Variants in STPG4 observed in about 807,000 individuals in gnomAD.
STPG4 encodes sperm-tail PG-rich repeat containing 4.
A neutral mutation model predicts 31.5 loss-of-function variants in STPG4; 41 were observed. The ratio of observed to expected loss-of-function variants is 1.30; its 90% CI spans 1.01 to 1.69. STPG4 has a LOEUF of 1.69. STPG4 is among the 40% of genes most tolerant of loss of function. The probability of loss-of-function intolerance (pLI) is 0.00; values close to 1 mark genes in which losing one functional copy is unlikely to be tolerated. For synonymous variants in STPG4, 141 were observed against 103.0 expected, an observed-to-expected ratio of 1.37 and a Z score of -2.24; for missense variants, 375 against 293.4, an observed-to-expected ratio of 1.28 and a Z score of -2.03.
chr2:47,155,180 G>A lies in STPG4; in HGVS notation c.72C>T (p.Ile24=). 6.2e-7 allele frequency: 1 copy of A among 1,614,154 alleles called. No homozygotes were observed. Among genetic ancestry groups the A allele is most frequent in the South Asian group, 1.1e-5 (1 of 91,084 alleles). Residue 24 remains isoleucine (I), a synonymous_variant, in exon 1 of 7, where the codon ATC becomes ATT. Coordinates refer to ENST00000445927, the MANE Select transcript of STPG4 (RefSeq NM_001163561.2). ...GGGCAGGCCATCTTACCGAAGCTGT[G>A]ATGAATGATTCTCCACCCACCAGGT... ...REDLVGGESF[I]TASKPAQKTS...
chr2:47,099,014 C>T (rs1171143818), intron 5 of STPG4, among the ~76,000 whole-genome samples: 1 of 152,128 alleles, frequency 6.6e-6, no homozygotes, highest in Non-Finnish European at 1.5e-5. Flanking sequence ...TAGTAATTGG[C>T]GATACCTCTG....
At chr2:47,091,929 A>G (rs1685576488) in intron 5 of STPG4, among the ~76,000 whole-genome samples, 1 of 151,474 alleles carries the variant, frequency 6.6e-6, no homozygotes, top group Non-Finnish European at 1.5e-5. Flanking sequence ...GGTTCAATAA[A>G]TTACAACGCT....
At chr2:47,101,046 C>A (rs554164365) in intron 5 of STPG4, among the ~76,000 whole-genome samples, 1 of 151,816 alleles carries the variant, frequency 6.6e-6, no homozygotes, top group African/African-American at 2.4e-5. Context: ...GCGGTGAGAC[C>A]ATCGCCGAGC....
chr2:47,137,440 G>T (rs78022051), intron 3 of STPG4, among the ~76,000 whole-genome samples: 10 of 152,076 alleles, frequency 6.6e-5, no homozygotes, highest in Admixed American at 5.2e-4. Flanking sequence ...TGTAGTTTTC[G>T]TTTTTTGTAA....
intron 5 of STPG4, among the ~76,000 whole-genome samples, chr2:47,099,704 C>A (rs931674175): frequency 1.3e-5 from 2 of 152,256 alleles, no homozygotes. Flanking sequence ...CCAGAGCCGG[C>A]TCCCTCAGCT....
chr2:47,145,749 G>C (rs1010871543), intron 3 of STPG4, among the ~76,000 whole-genome samples: 1 of 152,144 alleles, frequency 6.6e-6, no homozygotes, highest in Admixed American at 6.5e-5. Context: ...ATAATAATGA[G>C]CAAAACAGAT....
At chr2:47,153,169 A>G (rs554715851) in intron 1 of STPG4, among the ~76,000 whole-genome samples, 153 bp from the exon 2 acceptor site, 64 of 152,352 alleles carry the variant, frequency 4.2e-4, no homozygotes, top group Middle Eastern at 6.8e-3. Flanking sequence ...AAATTTGCCC[A>G]TATTTCCTTA....
intron 3 of STPG4, among the ~76,000 whole-genome samples, chr2:47,133,944 A>G (rs1686542805): frequency 6.6e-6 from 1 of 152,138 alleles, no homozygotes; most frequent in Non-Finnish European, 1.5e-5. Context: ...TAATTCAGTT[A>G]TGTTGCACCA....
At chr2:47,093,832 T>C (rs1573145556) in intron 5 of STPG4, among the ~76,000 whole-genome samples, 1 of 152,204 alleles carries the variant, frequency 6.6e-6, no homozygotes, top group African/African-American at 2.4e-5. Context: ...CCCAAGTTCA[T>C]ATTCCAAAGC....
chr2:47,142,807 C>A (rs1256165724), intron 3 of STPG4, among the ~76,000 whole-genome samples: 1 of 146,588 alleles, frequency 6.8e-6, no homozygotes, highest in East Asian at 2.1e-4. Flanking sequence ...AGAGATGCTT[C>A]CATATCAACA....
chr2:47,154,807 A>C (rs1341083977), intron 1 of STPG4, among the ~76,000 whole-genome samples: 1 of 152,214 alleles, frequency 6.6e-6, no homozygotes, highest in Non-Finnish European at 1.5e-5. Context: ...GTCTAGTAAA[A>C]CTACAGAAGG....
At chr2:47,087,156 C>A (rs1405463079) in intron 6 of STPG4, 26 bp from the exon 7 acceptor site, 1 of 1,550,308 alleles carries the variant, frequency 6.5e-7, no homozygotes. Flanking sequence ...AAAACAGGGA[C>A]TGATGAGACA....
chr2:47,094,740 G>C (rs757628617), intron 5 of STPG4, among the ~76,000 whole-genome samples: 10 of 152,188 alleles, frequency 6.6e-5, no homozygotes, highest in Non-Finnish European at 1.3e-4. Flanking sequence ...TGGGTTACGG[G>C]ATGTCGCCAA....
At chr2:47,142,457 AT>A (rs932401931) in intron 3 of STPG4, among the ~76,000 whole-genome samples, 40 of 152,168 alleles carry the variant, frequency 2.6e-4, no homozygotes, top group Non-Finnish European at 4.9e-4. Flanking sequence ...AAATAAGAGA[AT>A]TTTTTTAAAA....
intron 5 of STPG4, among the ~76,000 whole-genome samples, chr2:47,114,271 G>A (rs1212499230): frequency 6.6e-6 from 1 of 152,024 alleles, no homozygotes; most frequent in South Asian, 2.1e-4. Flanking sequence ...TTGGAAGTCT[G>A]AGGTGGGCAG....
intron 6 of STPG4, 43 bp downstream of exon 6, chr2:47,090,227 T>C: frequency 1.5e-6 from 2 of 1,356,242 alleles, no homozygotes; most frequent in Non-Finnish European, 2.1e-6. Flanking sequence ...ACCATAACCA[T>C]ACCCCTAGGG....
chr2:47,105,641 T>C (rs1462389501), intron 5 of STPG4, among the ~76,000 whole-genome samples: 1 of 152,022 alleles, frequency 6.6e-6, no homozygotes, highest in Non-Finnish European at 1.5e-5. Context: ...GGAAGTTCAT[T>C]TGTGGAGAAT....
chr2:47,090,504 G>C, intron 5 of STPG4, 130 bp from the exon 6 acceptor site: 2 of 648,678 alleles, frequency 3.1e-6, no homozygotes, highest in Admixed American at 2.6e-5. Context: ...TTGGTCTCGA[G>C]AGATCTCTTT....
chr2:47,155,133 G>A lies in STPG4; in HGVS notation c.81+38C>T, dbSNP rs372706236. 628 of 1,592,062 alleles carry A rather than the reference G, an allele frequency of 3.9e-4. 6 individuals are homozygous for A. In the South Asian group the frequency reaches 6.6e-3, roughly 17 times the overall value. On this transcript the variant is annotated intron_variant, in intron 1 of 6. Transcript: ENST00000445927. ...AAAAGGGTAGTGGGCCTGGTGAGGG[G>A]AGCAGGAGCCAGGCCGGCAAGGGGC...
Sources: allele counts gnomAD v4.1 joint callset (sites outside exome capture counted in the v4.1 genomes callset), GRCh38; gene constraint gnomAD v4.1.1; transcripts MANE v1.5; gene names NCBI Gene and HGNC (gene_info 2026-07-23, HGNC 2026-07-21).